The following PCDHGA12 variants were observed in gnomAD, a reference collection of about 807,000 sequenced individuals.
The protein encoded by PCDHGA12 is protocadherin gamma subfamily A, 12, also known as protocadherin gamma-A12.
Under a neutral mutation model 61.1 loss-of-function variants are expected in PCDHGA12, and 43 were observed. That is an observed-to-expected ratio of 0.70 (90% CI 0.55 to 0.91). The LOEUF (loss-of-function observed/expected upper bound fraction) is 0.91, where lower values mean the gene tolerates loss of function less well. PCDHGA12 is among the 40% of genes least tolerant of loss of function. PCDHGA12 has a pLI of 0.00. For synonymous variants in PCDHGA12, 520 were observed against 542.9 expected (o/e 0.96, Z 0.59); for missense variants, 1,236 against 1,227.7 (o/e 1.01, Z -0.10).
At chr5:141,478,256 A>G in intron 1 of PCDHGA12, 6 of 1,614,126 alleles carry the variant, frequency 3.7e-6, no homozygotes, top group Non-Finnish European at 5.1e-6. Flanking sequence ...CGGAGTAATC[A>G]TATTCAAAGT....
chr5:141,509,060 T>G (rs2099874519), intron 3 of PCDHGA12, among the ~76,000 whole-genome samples: 1 of 152,216 alleles, frequency 6.6e-6, no homozygotes, highest in Middle Eastern at 3.4e-3. Flanking sequence ...CAGAAAGCTC[T>G]CAGCTCCGGG....
In PCDHGA12 at chr5:141,476,599, TC is replaced by T; in HGVS notation, c.2425-18205del. The T allele has an allele frequency of 6.2e-7, 1 of 1,614,210 alleles. No individual in the cohort carries two copies. ...GCTTTCCGCTCGAGAGCGCGCACGA[TC>T]CCGATGTGGGAAGCAACTCTTTACA... is the stretch of plus-strand genomic sequence containing the variant. On this transcript the variant is annotated intron_variant, in intron 1 of 3. Transcript: ENST00000252085. This position sits in a 1 kb window ranked among gnomAD's most constrained non-coding sequence, Gnocchi z 7.6.
rs1163950013 is a variant in PCDHGA12 at position 141,512,955 on chromosome 5, A to G, written c.*1782A>G. 2 of 152,234 alleles carry G rather than the reference A, an allele frequency of 1.3e-5. No homozygotes were observed. The highest frequency in any genetic ancestry group is 2.9e-5 in the Non-Finnish European group (2 of 68,046). The allele number at this position is 152,234 out of a possible 1,614,324, so 9.4% of individuals were successfully genotyped here. ...GCTTTTTTTCTTCGACAAAAAAATA[A>G]TAAAACGTTTCTTCTGAAAAGCTGA... On this transcript the variant is annotated 3_prime_UTR_variant, in exon 4 of 4. Coordinates refer to ENST00000252085, the MANE Select transcript of PCDHGA12 (RefSeq NM_003735.3).
rs1208504589 is a variant in PCDHGA12, at chr5:141,431,631, T to C, written c.872T>C (p.Val291Ala). The change falls in exon 1 of 4, where the codon GTT (valine) becomes GCT (alanine). Residue 291 changes from valine (V) to alanine (A), a missense_variant. Physicochemically the swap from Val to Ala is moderately conservative, Grantham distance 64. Coordinates refer to ENST00000252085, the MANE Select transcript of PCDHGA12 (RefSeq NM_003735.3). The surrounding 1 kb of genome is among the most constrained non-coding windows in gnomAD (Gnocchi z 4.8). ...TATGTGGACGACAAGGCGGCCCAAG[T>C]TTTCAAACTAGATTGTAATTCAGGG... The part of the protein sequence containing the change: ...FRYVDDKAAQ[V>A]FKLDCNSGTI... The C allele has an allele frequency of 6.2e-6, 10 of 1,614,132 alleles. No individual in the cohort carries two copies. Among genetic ancestry groups the C allele is most frequent in the Non-Finnish European group, 8.5e-6 (10 of 1,180,016 alleles).
At position 141,431,245 on chromosome 5, in the gene PCDHGA12, C is replaced by T; in HGVS notation, c.486C>T (p.Ile162=). The T allele has an allele frequency of 1.2e-6, 2 of 1,614,134 alleles. No individual in the cohort carries two copies. The highest frequency in any genetic ancestry group is 1.7e-6 in the Non-Finnish European group (2 of 1,180,038). ...FPLPHAWDPD[I]GKNSLQSYEL... ...TACCCCACGCCTGGGATCCGGATATCGGGAAGAACTCTCTGCAGAGCTACG... is the reference window on the plus strand; with the variant it reads ...TACCCCACGCCTGGGATCCGGATATTGGGAAGAACTCTCTGCAGAGCTACG... The change falls in exon 1 of 4, where the codon ATC becomes ATT. Residue 162 remains isoleucine (I), a synonymous_variant. Transcript: ENST00000252085. This position sits in a 1 kb window ranked among gnomAD's most constrained non-coding sequence, Gnocchi z 4.8.
chr5:141,438,122 A>T (rs1272350030), intron 1 of PCDHGA12, among the ~76,000 whole-genome samples: 1 of 152,214 alleles, frequency 6.6e-6, no homozygotes, highest in Non-Finnish European at 1.5e-5. Flanking sequence ...CATTCCTAAA[A>T]TATTAATGGC....
intron 2 of PCDHGA12, among the ~76,000 whole-genome samples, chr5:141,495,119 C>T (rs1024197360): frequency 3.9e-5 from 6 of 152,182 alleles, no homozygotes; most frequent in African/African-American, 1.4e-4. Context: ...CTTTTCCTAT[C>T]CCCTGAGGGC....
At chr5:141,468,889 G>T (rs2099184580) in intron 1 of PCDHGA12, among the ~76,000 whole-genome samples, 1 of 151,496 alleles carries the variant, frequency 6.6e-6, no homozygotes, top group African/African-American at 2.4e-5. Flanking sequence ...ATAATAATAA[G>T]GTACTAATAT....
intron 1 of PCDHGA12, chr5:141,479,339 G>GTA (rs1298553162): frequency 1.3e-5 from 2 of 152,644 alleles, no homozygotes; most frequent in East Asian, 3.8e-4. Context: ...GTGTGCACCT[G>GTA]TAGTTCTTGC....
At chr5:141,474,117 A>C (rs748431734) in intron 1 of PCDHGA12, among the ~76,000 whole-genome samples, 11 of 152,186 alleles carry the variant, frequency 7.2e-5, no homozygotes, top group Non-Finnish European at 1.2e-4. Context: ...ACAACAACGA[A>C]AATCTCAGAA....
At chr5:141,436,471 A>G (rs1249793994) in intron 1 of PCDHGA12, among the ~76,000 whole-genome samples, 1 of 152,204 alleles carries the variant, frequency 6.6e-6, no homozygotes, top group Non-Finnish European at 1.5e-5. Flanking sequence ...TTTCAGATGT[A>G]TCATAGAAGG....
In PCDHGA12 at chr5:141,430,680, C is replaced by G. The variant is rs990086941; in HGVS notation, c.-80C>G. ...GGAGGAGCTCTGACTTCCCAACTGT[C>G]CCATTCTATGGGCGAAGGAACTGCT... is the stretch of plus-strand genomic sequence containing the variant. On this transcript the variant is annotated 5_prime_UTR_variant, in exon 1 of 4. Transcript: ENST00000252085. 6.0e-6 allele frequency: 8 copies of G among 1,343,124 alleles called. No homozygotes were observed. The highest frequency in any genetic ancestry group is 8.0e-6 in the Non-Finnish European group (8 of 1,001,966). 83.2% of individuals were successfully genotyped at this position (1,343,124 alleles called of 1,614,324 possible). A position where few individuals can be genotyped will look rare whatever the true frequency, so the allele number is the denominator to read the frequency against.
chr5:141,430,781 C>G lies in PCDHGA12; in HGVS notation c.22C>G (p.Arg8Gly). 5.3e-6 allele frequency: 8 copies of G among 1,510,922 alleles called. No homozygotes were observed. The highest frequency in any genetic ancestry group is 7.1e-6 in the Non-Finnish European group (8 of 1,130,982). The allele number at this position is 1,510,922 out of a possible 1,614,324, so 93.6% of individuals were successfully genotyped here. The change falls in exon 1 of 4, where the codon CGG (arginine) becomes GGG (glycine). Residue 8 changes from arginine to glycine, a missense_variant. Transcript: ENST00000252085. The part of the protein sequence containing the change: MIPARLH[R>G]DYKGLVLLGI... Reference sequence around the variant, plus strand: ...AAGAATGATTCCTGCGCGACTGCACCGGGACTACAAAGGGCTTGTCCTGCT... The same window carrying G: ...AAGAATGATTCCTGCGCGACTGCACGGGGACTACAAAGGGCTTGTCCTGCT...
chr5:141,491,409 G>C lies in PCDHGA12; in HGVS notation c.2425-3398G>C, dbSNP rs2099711927. 6.2e-7 allele frequency: 1 copy of C among 1,614,000 alleles called. No homozygotes were observed. Among genetic ancestry groups the C allele is most frequent in the Non-Finnish European group, 8.5e-7 (1 of 1,180,022 alleles). The stretch of plus-strand genomic sequence containing the variant: ...AGTGCCTTCAGGGAAACGCAGACGG[G>C]GACGGGGGTGGAGGGCAGTGCTGCA... On this transcript the variant is annotated intron_variant, in intron 1 of 3. Coordinates refer to ENST00000252085, the MANE Select transcript of PCDHGA12 (RefSeq NM_003735.3). This position sits in a 1 kb window ranked among gnomAD's most constrained non-coding sequence, Gnocchi z 6.9.
Position 141,490,970 on chromosome 5 carries a change from A to G in PCDHGA12, c.2425-3837A>G. ...CCAGACTGGGAACACTCAGCCCCCC[A>G]GCGTCTCCCTCGCTCTGCTCCTCCT... On this transcript the variant is annotated intron_variant, in intron 1 of 3. Coordinates refer to ENST00000252085, the MANE Select transcript of PCDHGA12 (RefSeq NM_003735.3). This position sits in a 1 kb window ranked among gnomAD's most constrained non-coding sequence, Gnocchi z 5.4. 1 of 1,613,858 alleles carries G rather than the reference A, an allele frequency of 6.2e-7. No individual in the cohort carries two copies. Among genetic ancestry groups the G allele is most frequent in the South Asian group, 1.1e-5 (1 of 91,062 alleles).
chr5:141,441,764 C>A, intron 1 of PCDHGA12: 1 of 384,482 alleles, frequency 2.6e-6, no homozygotes, highest in South Asian at 2.1e-5. Flanking sequence ...TGAGCCTGCG[C>A]GTGTTGGTGG....
rs1248867280 is a variant in PCDHGA12 at position 141,511,325 on chromosome 5, C to T, written c.*152C>T. 18 of 1,466,406 alleles carry T rather than the reference C, an allele frequency of 1.2e-5. No homozygotes were observed. Among genetic ancestry groups the T allele is most frequent in the Non-Finnish European group, 1.5e-5 (17 of 1,099,872 alleles). 90.8% of individuals were successfully genotyped at this position (1,466,406 alleles called of 1,614,324 possible). A position where few individuals can be genotyped will look rare whatever the true frequency, so the allele number is the denominator to read the frequency against. On this transcript the variant is annotated 3_prime_UTR_variant, in exon 4 of 4. Coordinates refer to ENST00000252085, the MANE Select transcript of PCDHGA12 (RefSeq NM_003735.3). ...TCCCCTTGGGAAACAGAAACAAGTG[C>T]CCAGTCAGCACCTACCCCTTCCCCC...
intron 1 of PCDHGA12, among the ~76,000 whole-genome samples, chr5:141,448,604 A>G (rs954578256): frequency 1.3e-5 from 2 of 152,118 alleles, no homozygotes; most frequent in Non-Finnish European, 2.9e-5. Flanking sequence ...AATACTATAC[A>G]CCACTTTATA....
chr5:141,476,714 C>A lies in PCDHGA12; in HGVS notation c.2425-18093C>A, dbSNP rs146188020. 1 of 1,614,154 alleles carries A rather than the reference C, an allele frequency of 6.2e-7. No homozygotes were observed. The highest frequency in any genetic ancestry group is 1.1e-5 in the South Asian group (1 of 91,078). ...CAAGTACGCGGAGCTGGTGTTGGAG[C>A]GCGCCCTGGACCGAGAACGGGAGCC... On this transcript the variant is annotated intron_variant, in intron 1 of 3. Transcript: ENST00000252085. This position sits in a 1 kb window ranked among gnomAD's most constrained non-coding sequence, Gnocchi z 7.6.
Sources: gnomAD v4.1 joint callset for allele counts (sites outside exome capture counted in the v4.1 genomes callset) on GRCh38, gnomAD v4.1.1 for gene constraint, Gnocchi (gnomAD v3.1) non-coding constraint, MANE v1.5 for transcripts, NCBI Gene and HGNC (gene_info 2026-07-23, HGNC 2026-07-21) for gene names.